The following UBE2L6 variants were observed in gnomAD, a reference collection of about 807,000 sequenced individuals.
UBE2L6 encodes the protein ubiquitin/ISG15-conjugating enzyme E2 L6.
In UBE2L6, 11 loss-of-function variants were observed where a neutral mutation model predicts 13.6. The ratio of observed to expected loss-of-function variants is 0.81; its 90% CI spans 0.51 to 1.34. UBE2L6 has a LOEUF of 1.34. Among genes scored for constraint, UBE2L6 ranks in the 40% most tolerant of loss-of-function variants. The pLI is 0.00. For missense variants in UBE2L6, 197 were observed against 199.5 expected (o/e 0.99, Z 0.07); for synonymous variants, 74 against 83.2 (o/e 0.89, Z 0.60).
chr11:57,559,338 G>A (rs756579296), intron 2 of UBE2L6, among the ~76,000 whole-genome samples: 6 of 152,128 alleles, frequency 3.9e-5, no homozygotes, highest in Non-Finnish European at 7.4e-5. Flanking sequence ...CCTGCCGGGT[G>A]TGGTGGCTCC....
At chr11:57,567,033 A>T (rs1459816620) in intron 1 of UBE2L6, 1 of 446,338 alleles carries the variant, frequency 2.2e-6, no homozygotes, top group African/African-American at 2.2e-5. Context: ...CTACTCCAGG[A>T]GGCCTTCCAG....
Position 57,567,621 on chromosome 11 carries a change from G to C in UBE2L6, c.-10C>G. 6.2e-7 allele frequency: 1 copy of C among 1,607,082 alleles called. No individual in the cohort carries two copies. The highest frequency in any genetic ancestry group is 8.5e-7 in the Non-Finnish European group (1 of 1,177,650). On this transcript the variant is annotated 5_prime_UTR_variant, in exon 1 of 4. Coordinates refer to ENST00000287156, the MANE Select transcript of UBE2L6 (RefSeq NM_004223.5). Reference sequence around the variant, plus strand: ...GCATGCTCGCCATCATGTCGGGACCGAGTGTGTGGCACCCGTGGCCTCCAG... The same window carrying C: ...GCATGCTCGCCATCATGTCGGGACCCAGTGTGTGGCACCCGTGGCCTCCAG...
chr11:57,557,131 C>T (rs1945004167), intron 2 of UBE2L6, among the ~76,000 whole-genome samples: 1 of 151,926 alleles, frequency 6.6e-6, no homozygotes, highest in Non-Finnish European at 1.5e-5. Context: ...TGGGGCCTAC[C>T]AGGAGGCGTA....
At chr11:57,553,832 G>T (rs1416636940) in intron 3 of UBE2L6, among the ~76,000 whole-genome samples, 1 of 152,124 alleles carries the variant, frequency 6.6e-6, no homozygotes, top group Non-Finnish European at 1.5e-5. Context: ...TCTTAAAAAA[G>T]AAAAAGAATT....
chr11:57,552,161 C>G lies in UBE2L6; in HGVS notation c.*197G>C. On this transcript the variant is annotated 3_prime_UTR_variant, in exon 4 of 4. Coordinates refer to ENST00000287156, the MANE Select transcript of UBE2L6 (RefSeq NM_004223.5). ...AAGGGTGCACCTGTGGCCAGGTGAA[C>G]CTGGGAGTGAGTCCATACACAACAC... 2 of 724,294 alleles carry G rather than the reference C, an allele frequency of 2.8e-6. No individual in the cohort carries two copies. The highest frequency in any genetic ancestry group is 4.1e-4 in the Middle Eastern group (1 of 2,446). 44.9% of individuals were successfully genotyped at this position (724,294 alleles called of 1,614,324 possible).
intron 1 of UBE2L6, chr11:57,566,943 G>GACC: frequency 1.3e-5 from 1 of 75,880 alleles, no homozygotes; most frequent in South Asian, 6.5e-5. Flanking sequence ...GTTCATCTCT[G>GACC]CCCGCCCCCC....
chr11:57,560,083 T>A (rs1266776565), intron 2 of UBE2L6, among the ~76,000 whole-genome samples: 3 of 152,182 alleles, frequency 2.0e-5, no homozygotes, highest in Non-Finnish European at 4.4e-5. Flanking sequence ...TGTGGTGGGC[T>A]TGGTGGCTAC....
At chr11:57,557,811 G>A (rs1160725835) in intron 2 of UBE2L6, among the ~76,000 whole-genome samples, 6 of 152,208 alleles carry the variant, frequency 3.9e-5, no homozygotes, top group African/African-American at 1.2e-4. Flanking sequence ...AGGGGTATCA[G>A]TGTGTCCTGC....
intron 2 of UBE2L6, among the ~76,000 whole-genome samples, chr11:57,558,436 A>T (rs2135277112): frequency 6.6e-6 from 1 of 152,290 alleles, no homozygotes; most frequent in Admixed American, 6.5e-5. Flanking sequence ...GTTAAAAGAG[A>T]AGACCCTGGA....
Position 57,566,947 on chromosome 11 carries a change from G to GCCCCCCCC in UBE2L6, c.27+630_27+637dup, listed in dbSNP as rs10624657. Reference sequence around the variant, plus strand: ...GCCGGATTTGTGTTCATCTCTGCCCGCCCCCCCCCCCCTCCTAGAACAGGG... The same window carrying GCCCCCCCC: ...GCCGGATTTGTGTTCATCTCTGCCCGCCCCCCCCCCCCCCCCCCCCTCCTAGAACAGGG... On this transcript the variant is annotated intron_variant, in intron 1 of 3. Transcript: ENST00000287156. The GCCCCCCCC allele has an allele frequency of 2.5e-4, 26 of 102,394 alleles. 5 individuals are homozygous for GCCCCCCCC. The highest frequency in any genetic ancestry group is 6.8e-4 in the South Asian group (9 of 13,158). The allele number at this position is 102,394 out of a possible 1,614,324, so 6.3% of individuals were successfully genotyped here.
At chr11:57,552,638 C>T (rs549567887) in intron 3 of UBE2L6, 129 bp from the exon 4 acceptor site, 47 of 1,217,664 alleles carry the variant, frequency 3.9e-5, no homozygotes, top group African/African-American at 2.0e-4. Context: ...GATTACTCTA[C>T]GACCAGATCA....
intron 1 of UBE2L6, among the ~76,000 whole-genome samples, chr11:57,562,010 T>C (rs1396318810): frequency 6.6e-6 from 1 of 152,200 alleles, no homozygotes; most frequent in Admixed American, 6.5e-5. Flanking sequence ...TTGTCATAAA[T>C]CGGGAGAGTG....
chr11:57,552,300 A>G lies in UBE2L6; in HGVS notation c.*58T>C, dbSNP rs1340680094. ...CCACAGGGGGCTCTGGCCTCAGTCC[A>G]TGAGGTGTGTCCGTCCGCTATGCCG... On this transcript the variant is annotated 3_prime_UTR_variant, in exon 4 of 4. Transcript: ENST00000287156. The G allele has an allele frequency of 8.7e-6, 14 of 1,603,104 alleles. No individual in the cohort carries two copies. The highest frequency in any genetic ancestry group is 1.1e-5 in the Non-Finnish European group (13 of 1,172,966).
Position 57,560,407 on chromosome 11 carries a change from G to A in UBE2L6, c.53C>T (p.Pro18Leu), listed in dbSNP as rs1180196107. ...VKELEDLQKK[P>L]PPYLRNLSSD... The stretch of plus-strand genomic sequence containing the variant: ...GGACAGGTTCCGCAGGTATGGGGGA[G>A]GCTTCTTCTGAAGATCCTCCAGCTC... Residue 18 changes from proline to leucine, a missense_variant, in exon 2 of 4, where the codon CCT (proline) becomes CTT (leucine). Coordinates refer to ENST00000287156, the MANE Select transcript of UBE2L6 (RefSeq NM_004223.5). 1 of 1,613,704 alleles carries A rather than the reference G, an allele frequency of 6.2e-7. No individual in the cohort carries two copies. Among genetic ancestry groups the A allele is most frequent in the South Asian group, 1.1e-5 (1 of 91,054 alleles).
intron 1 of UBE2L6, chr11:57,566,943 G>GCCCAC: frequency 2.6e-5 from 2 of 75,880 alleles, no homozygotes; most frequent in Non-Finnish European, 2.7e-5. Flanking sequence ...GTTCATCTCT[G>GCCCAC]CCCGCCCCCC....
At chr11:57,565,610 G>A (rs1326760771) in intron 1 of UBE2L6, among the ~76,000 whole-genome samples, 1 of 151,932 alleles carries the variant, frequency 6.6e-6, no homozygotes, top group African/African-American at 2.4e-5. Flanking sequence ...AGCAGTCCGC[G>A]AACCTCAGCC....
intron 1 of UBE2L6, among the ~76,000 whole-genome samples, chr11:57,562,699 G>A (rs1232984729): frequency 2.6e-5 from 4 of 152,224 alleles, no homozygotes; most frequent in African/African-American, 9.6e-5. Context: ...GTAATCCAGA[G>A]AATTCTTCCT....
chr11:57,567,923 G>C, upstream of UBE2L6: 1 of 337,942 alleles, frequency 3.0e-6, no homozygotes, highest in Non-Finnish European at 5.4e-6. Flanking sequence ...GGGGTGCGCC[G>C]TGCACCGGCG....
chr11:57,560,457 C>T lies in UBE2L6; in HGVS notation c.28-25G>A, dbSNP rs199682868. On this transcript the variant is annotated intron_variant, in intron 1 of 3. Transcript: ENST00000287156. ...CCTGCAGGGGACACAAGTGAGTGGG[C>T]AGTTGGCCTAGTCCTCCTTATTTCA... 2.0e-5 allele frequency: 31 copies of T among 1,570,162 alleles called. No homozygotes were observed. In the East Asian group the frequency reaches 6.7e-4, roughly 34 times the overall value.
Sources: gnomAD v4.1 joint callset for allele counts (sites outside exome capture counted in the v4.1 genomes callset) on GRCh38, gnomAD v4.1.1 for gene constraint, MANE v1.5 for transcripts, NCBI Gene and HGNC (gene_info 2026-07-23, HGNC 2026-07-21) for gene names.